ZNF536: variants seen among roughly 807,000 people sequenced by gnomAD.
The protein encoded by ZNF536 is zinc finger protein 536.
Under a neutral mutation model 84.5 loss-of-function variants are expected in ZNF536, and 13 were observed. The observed-to-expected ratio is 0.15, with a 90% CI of 0.10 to 0.24. ZNF536 has a LOEUF of 0.24. Ranked by LOEUF, ZNF536 falls within the 10% of genes least tolerant of loss-of-function variation. ZNF536 has a pLI of 1.00. For missense variants in ZNF536, 1,536 were observed against 1,747.5 expected, an observed-to-expected ratio of 0.88 and a Z score of 2.16; for synonymous variants, 811 against 742.5, an observed-to-expected ratio of 1.09 and a Z score of -1.50.
At chr19:30,497,561 A>T (rs572308416) in intron 2 of ZNF536, among the ~76,000 whole-genome samples, 1 of 152,326 alleles carries the variant, frequency 6.6e-6, no homozygotes, top group South Asian at 2.1e-4. Context: ...AGCCATAAAG[A>T]TGAAGCATTG....
At chr19:30,694,190 C>A (rs759390264) in intron 1 of ZNF536, among the ~76,000 whole-genome samples, 7 of 152,310 alleles carry the variant, frequency 4.6e-5, no homozygotes, top group Middle Eastern at 6.8e-3. Context: ...ACCCTTGGCA[C>A]AAGCCAAGTT....
At chr19:30,264,190 A>AGAGGCCTG (rs1474975558) in intron 1 of ZNF536, among the ~76,000 whole-genome samples, 1 of 152,184 alleles carries the variant, frequency 6.6e-6, no homozygotes, top group African/African-American at 2.4e-5. Flanking sequence ...ATCAGCCCGG[A>AGAGGCCTG]GAGGCCTGCC....
chr19:30,434,897 G>T (rs538246889), intron 1 of ZNF536, among the ~76,000 whole-genome samples: 1 of 87,426 alleles, frequency 1.1e-5, no homozygotes, highest in Admixed American at 1.2e-4. Context: ...TGATGCTGCT[G>T]ATGATGGTGA....
chr19:30,508,227 G>A (rs1325263649), intron 2 of ZNF536, among the ~76,000 whole-genome samples: 17 of 152,182 alleles, frequency 1.1e-4, no homozygotes, highest in Admixed American at 6.5e-4. Context: ...GGCTTGCAGG[G>A]GCTTATGGGA....
chr19:30,295,771 A>G (rs2045977302), intron 2 of ZNF536, among the ~76,000 whole-genome samples: 1 of 152,228 alleles, frequency 6.6e-6, no homozygotes, highest in African/African-American at 2.4e-5. Flanking sequence ...AAACCTCTGA[A>G]GCAAAGGCAA....
At chr19:30,584,307 C>G (rs1227792617) in intron 1 of ZNF536, among the ~76,000 whole-genome samples, 1 of 152,186 alleles carries the variant, frequency 6.6e-6, no homozygotes, top group Non-Finnish European at 1.5e-5. Flanking sequence ...CGCCTCTTAG[C>G]TGTCGTGTTA....
At chr19:30,333,806 T>A (rs1361500733) in intron 2 of ZNF536, among the ~76,000 whole-genome samples, 1 of 152,186 alleles carries the variant, frequency 6.6e-6, no homozygotes, top group Non-Finnish European at 1.5e-5. Context: ...TGTTGACACA[T>A]CTATTCTCGC....
At chr19:30,596,248 CAGAG>C (rs1440640195) in intron 1 of ZNF536, among the ~76,000 whole-genome samples, 4 of 151,466 alleles carry the variant, frequency 2.6e-5, no homozygotes, top group Non-Finnish European at 4.4e-5. Flanking sequence ...AAAAAAAATA[CAGAG>C]AGAGAGGGAG....
rs554789856 is a variant in ZNF536 at position 30,321,009 on chromosome 19, T to C, written c.-119-31359T>C. Among the ~76,000 whole-genome samples the C allele has an allele frequency of 3.9e-5, 6 of 152,306 alleles. No homozygotes were observed. In the South Asian group the frequency reaches 1.2e-3, roughly 32 times the overall value. ...TTGTCCTCCTGCGCCTCTATTCCAGTGACACAGAAAAATGCATCTCACCAT... is the reference window on the plus strand; with the variant it reads ...TTGTCCTCCTGCGCCTCTATTCCAGCGACACAGAAAAATGCATCTCACCAT... On this transcript the variant is annotated intron_variant, in intron 2 of 5. Coordinates refer to the ZNF536 transcript ENST00000585628.
upstream of ZNF536, among the ~76,000 whole-genome samples, chr19:30,370,550 CA>C (rs1476283179): frequency 6.6e-6 from 1 of 152,146 alleles, no homozygotes; most frequent in Non-Finnish European, 1.5e-5. Context: ...ATGCACAATC[CA>C]GGCAAAACAG....
At chr19:30,707,702 G>A (rs1014373234) in intron 1 of ZNF536, among the ~76,000 whole-genome samples, 14 of 152,160 alleles carry the variant, frequency 9.2e-5, no homozygotes, top group Middle Eastern at 3.2e-3. Flanking sequence ...AGAAGCAGAA[G>A]CACTATCCAA....
intron 2 of ZNF536, among the ~76,000 whole-genome samples, chr19:30,521,067 T>A (rs2145707900): frequency 6.6e-6 from 1 of 152,330 alleles, no homozygotes; most frequent in Non-Finnish European, 1.5e-5. Context: ...TCTCCAGTGA[T>A]CCAACTTTAC....
chr19:30,623,121 C>A (rs991840972), intron 1 of ZNF536, among the ~76,000 whole-genome samples: 1 of 151,028 alleles, frequency 6.6e-6, no homozygotes, highest in Non-Finnish European at 1.5e-5. Context: ...CATTCTTGAC[C>A]CTTCTTTTTG....
intron 2 of ZNF536, among the ~76,000 whole-genome samples, chr19:30,304,715 G>T (rs1412472303): frequency 6.6e-6 from 1 of 152,212 alleles, no homozygotes; most frequent in African/African-American, 2.4e-5. Context: ...AAGCGGTGAG[G>T]GGAGAGGGCT....
Position 30,445,584 on chromosome 19 carries a change from G to A in ZNF536, c.2022G>A (p.Ser674=), listed in dbSNP as rs984196202. 9.3e-6 allele frequency: 15 copies of A among 1,612,974 alleles called. No homozygotes were observed. Among genetic ancestry groups the A allele is most frequent in the Non-Finnish European group, 1.3e-5 (15 of 1,179,696 alleles). The change falls in exon 2 of 5, where the codon TCG becomes TCA. Residue 674 remains serine, a synonymous_variant. Coordinates refer to ENST00000355537, the MANE Select transcript of ZNF536 (RefSeq NM_014717.3). This position sits in a 1 kb window ranked among gnomAD's most constrained non-coding sequence, Gnocchi z 4.5. ...TGGGCCTGGATGAGCGGCGTGGCTC[G>A]GGCAGTGACCAGGAGTCCCAGTCGG... ...LHVGLDERRG[S]GSDQESQSVS...
intron 1 of ZNF536, among the ~76,000 whole-genome samples, chr19:30,679,927 C>T (rs961958718): frequency 2.0e-5 from 3 of 152,140 alleles, no homozygotes; most frequent in East Asian, 1.9e-4. Flanking sequence ...CACAGGTGAA[C>T]GAGTTTCCTG....
At chr19:30,277,981 C>T (rs1044182995) in intron 1 of ZNF536, among the ~76,000 whole-genome samples, 10 of 152,128 alleles carry the variant, frequency 6.6e-5, no homozygotes, top group Non-Finnish European at 1.2e-4. Flanking sequence ...CAGAATCCAA[C>T]TCACACTCTC....
At chr19:30,498,630 C>A (rs1205705880) in intron 2 of ZNF536, among the ~76,000 whole-genome samples, 1 of 152,056 alleles carries the variant, frequency 6.6e-6, no homozygotes, top group African/African-American at 2.4e-5. Context: ...AAATAAAAGT[C>A]ATAGAAACGT....
At chr19:30,701,284 AACACAAACACACAT>A (rs1402788081) in intron 1 of ZNF536, among the ~76,000 whole-genome samples, 14 of 148,408 alleles carry the variant, frequency 9.4e-5, no homozygotes, top group Non-Finnish European at 7.5e-5. Flanking sequence ...GACGCATACA[AACACAAACACACAT>A]ACACAAACAC....
Sources: gnomAD v4.1 joint callset for allele counts (sites outside exome capture counted in the v4.1 genomes callset) on GRCh38, gnomAD v4.1.1 for gene constraint, Gnocchi (gnomAD v3.1) non-coding constraint, MANE v1.5 for transcripts, NCBI Gene and HGNC (gene_info 2026-07-23, HGNC 2026-07-21) for gene names.